The following PYGM variants were observed in gnomAD, a reference collection of about 807,000 sequenced individuals.
The protein encoded by PYGM is glycogen phosphorylase, muscle associated.
Under a neutral mutation model 99.3 loss-of-function variants are expected in PYGM, and 81 were observed. The ratio of observed to expected loss-of-function variants is 0.82; its 90% CI spans 0.68 to 0.98. The LOEUF is 0.98. Ranked by LOEUF, PYGM falls within the 50% of genes least tolerant of loss-of-function variation. PYGM has a pLI of 0.00. For missense variants in PYGM, 1,030 were observed against 1,158.1 expected, an observed-to-expected ratio of 0.89 and a Z score of 1.61; for synonymous variants, 436 against 451.5, an observed-to-expected ratio of 0.97 and a Z score of 0.44.
At chr11:64,753,831 G>A (rs1172819124) in intron 10 of PYGM, 48 bp downstream of exon 10, 1 of 1,548,852 alleles carries the variant, frequency 6.5e-7, no homozygotes, top group Admixed American at 2.0e-5. Flanking sequence ...GGCCCAGACT[G>A]GGTGTCCCCC....
At chr11:64,749,639 C>T (rs983361940) in intron 17 of PYGM, among the ~76,000 whole-genome samples, 1 of 149,480 alleles carries the variant, frequency 6.7e-6, no homozygotes, top group Non-Finnish European at 1.5e-5. Context: ...GAGACTCCGT[C>T]TCAAAAAAAA....
At chr11:64,752,294 C>T in intron 13 of PYGM, 109 bp downstream of exon 13, 1 of 1,425,066 alleles carries the variant, frequency 7.0e-7, no homozygotes, top group Non-Finnish European at 9.8e-7. Flanking sequence ...CCACCAACGG[C>T]CTGGGCTGGC....
In PYGM at chr11:64,750,484, A is replaced by G. The variant is rs140349323; in HGVS notation, c.2069T>C (p.Ile690Thr). ...MKFMLNGALT[I>T]GTMDGANVEM... ...CACATTGGCCCCGTCCATGGTGCCAATGGTCAGAGCCCCGTTGAGCATGAA... is the reference window on the plus strand; with the variant it reads ...CACATTGGCCCCGTCCATGGTGCCAGTGGTCAGAGCCCCGTTGAGCATGAA... The change falls in exon 17 of 20, where the codon ATT (isoleucine) becomes ACT (threonine). Residue 690 changes from isoleucine (I) to threonine (T), a missense_variant. Transcript: ENST00000164139. 7 of 1,614,060 alleles carry G rather than the reference A, an allele frequency of 4.3e-6. No individual in the cohort carries two copies. Among genetic ancestry groups the G allele is most frequent in the African/African-American group, 1.3e-5 (1 of 74,916 alleles).
chr11:64,758,477 C>T lies in PYGM; in HGVS notation c.384G>A (p.Glu128=), dbSNP rs1437348857. 1.2e-6 allele frequency: 2 copies of T among 1,614,110 alleles called. No homozygotes were observed. The highest frequency in any genetic ancestry group is 4.5e-5 in the East Asian group (2 of 44,872). The change falls in exon 3 of 20, where the codon GAG becomes GAA. Residue 128 remains glutamate (E), a synonymous_variant. Coordinates refer to ENST00000164139, the MANE Select transcript of PYGM (RefSeq NM_005609.4). The stretch of plus-strand genomic sequence containing the variant: ...GGCCCCCGTTGCCCAGCCCCGCATC[C>T]TCCTCAATTTCCTCCAGCTCCTCCA... ...LDMEELEEIE[E]DAGLGNGGLG...
At chr11:64,759,984 C>A, upstream of PYGM, 1 of 1,572,730 alleles carries the variant, frequency 6.4e-7, no homozygotes, top group Admixed American at 1.7e-5. Flanking sequence ...TGGAGCTCCC[C>A]AGCCTCAAGG....
rs2058305521 is a variant in PYGM at position 64,746,480 on chromosome 11, G to T, written c.*179C>A. On this transcript the variant is annotated 3_prime_UTR_variant, in exon 20 of 20. Coordinates refer to ENST00000164139, the MANE Select transcript of PYGM (RefSeq NM_005609.4). The stretch of plus-strand genomic sequence containing the variant: ...GGAGGGGACCGGGAGCCCGAGGACG[G>T]AAGGGGGCCCGTGTCCTTAGTCACG... 1 of 854,440 alleles carries T rather than the reference G, an allele frequency of 1.2e-6. No individual in the cohort carries two copies. The highest frequency in any genetic ancestry group is 1.8e-6 in the Non-Finnish European group (1 of 549,232). 52.9% of individuals were successfully genotyped at this position (854,440 alleles called of 1,614,324 possible).
In PYGM at chr11:64,755,000, G is replaced by A. The variant is rs763841769; in HGVS notation, c.856-164C>T. Among the ~76,000 whole-genome samples the A allele has an allele frequency of 2.5e-4, 38 of 152,076 alleles. No homozygotes were observed. Among genetic ancestry groups the A allele is most frequent in the Non-Finnish European group, 4.4e-4 (30 of 68,012 alleles). ...CTTTCCTCCACCAAGAACTAGTGGC[G>A]AGAGACAGTGTCAGGAAGAGGGGTA... On this transcript the variant is annotated intron_variant, in intron 7 of 19. Coordinates refer to ENST00000164139, the MANE Select transcript of PYGM (RefSeq NM_005609.4). This position sits in a 1 kb window ranked among gnomAD's most constrained non-coding sequence, Gnocchi z 5.5.
intron 12 of PYGM, among the ~76,000 whole-genome samples, chr11:64,752,722 C>T: frequency 6.6e-6 from 1 of 152,218 alleles, no homozygotes; most frequent in South Asian, 2.1e-4. Flanking sequence ...CCCCACCTGA[C>T]CCCAGCAGGC....
chr11:64,757,628 G>C (rs1592414724), intron 5 of PYGM, 151 bp downstream of exon 5: 1 of 1,232,160 alleles, frequency 8.1e-7, no homozygotes, highest in East Asian at 2.6e-5. Flanking sequence ...GTCTCTCCTG[G>C]CTTCAGCTGT....
chr11:64,755,280 T>C lies in PYGM; in HGVS notation c.848A>G (p.Asn283Ser), dbSNP rs114468011. The part of the protein sequence containing the change: ...AENISRVLYP[N>S]DNFFEGKELR... ...GCCCAGGGGGTGACGCACATTATCA[T>C]TGGGGTACAGGACACGAGAGATGTT... is the stretch of plus-strand genomic sequence containing the variant. Residue 283 changes from asparagine to serine, a missense_variant, in exon 7 of 20, where the codon AAT (asparagine) becomes AGT (serine). Asn to Ser is a conservative substitution (Grantham distance 46). Transcript: ENST00000164139. This position sits in a 1 kb window ranked among gnomAD's most constrained non-coding sequence, Gnocchi z 4.1. 1.2e-3 allele frequency: 1,892 copies of C among 1,613,688 alleles called. 6 individuals carry two copies. Among genetic ancestry groups the C allele is most frequent in the Non-Finnish European group, 1.3e-3 (1,539 of 1,179,680 alleles).
chr11:64,749,431 A>G (rs1323541009), intron 17 of PYGM, among the ~76,000 whole-genome samples: 1 of 152,090 alleles, frequency 6.6e-6, no homozygotes, highest in Non-Finnish European at 1.5e-5. Flanking sequence ...TCACGAGGTC[A>G]GCAGATCGAG....
Position 64,758,453 on chromosome 11 carries a change from G to A in PYGM, c.408C>T (p.Gly136=). 1 of 1,613,890 alleles carries A rather than the reference G, an allele frequency of 6.2e-7. No homozygotes were observed. Among genetic ancestry groups the A allele is most frequent in the Non-Finnish European group, 8.5e-7 (1 of 1,180,002 alleles). The change falls in exon 3 of 20, where the codon GGC becomes GGT. Residue 136 remains glycine (G), a synonymous_variant. Coordinates refer to ENST00000164139, the MANE Select transcript of PYGM (RefSeq NM_005609.4). ...TCTTCTTACCTGCCAGCCGGCCCAGGCCCCCGTTGCCCAGCCCCGCATCCT... is the reference window on the plus strand; with the variant it reads ...TCTTCTTACCTGCCAGCCGGCCCAGACCCCCGTTGCCCAGCCCCGCATCCT... The part of the protein sequence containing the change: ...IEEDAGLGNG[G]LGRLAACFLD...
At chr11:64,750,933 C>A (rs1181742377) in intron 16 of PYGM, among the ~76,000 whole-genome samples, 1 of 152,112 alleles carries the variant, frequency 6.6e-6, no homozygotes, top group Non-Finnish European at 1.5e-5. Context: ...CTTTTGTTGC[C>A]CAGGCTGAAG....
Position 64,759,972 on chromosome 11 carries a change from A to G in PYGM, c.-74T>C. 6.3e-7 allele frequency: 1 copy of G among 1,588,560 alleles called. No individual in the cohort carries two copies. On this transcript the variant is annotated 5_prime_UTR_variant, in exon 1 of 20. Coordinates refer to ENST00000164139, the MANE Select transcript of PYGM (RefSeq NM_005609.4). ...GCCTCAGCACTGCCTCCAGCCAAGG[A>G]GTGGAGCTCCCCAGCCTCAAGGGGA...
chr11:64,759,938 G>A lies in PYGM; in HGVS notation c.-40C>T, dbSNP rs773597597. On this transcript the variant is annotated 5_prime_UTR_variant, in exon 1 of 20. Coordinates refer to ENST00000164139, the MANE Select transcript of PYGM (RefSeq NM_005609.4). ...GGGCCGGACTGGACTGATGGTAGAG[G>A]GGACGGCGGCCTCAGCACTGCCTCC... The A allele has an allele frequency of 1.2e-6, 2 of 1,609,162 alleles. No homozygotes were observed. Among genetic ancestry groups the A allele is most frequent in the East Asian group, 2.2e-5 (1 of 44,774 alleles).
chr11:64,759,851 C>T lies in PYGM; in HGVS notation c.48G>A (p.Val16=). ...SDQEKRKQIS[V]RGLAGVENVT... ...CGTTCTCCACGCCGGCCAGGCCACG[C>T]ACACTGATTTGCTTTCTTTTCTCTT... Residue 16 remains valine, a synonymous_variant, in exon 1 of 20, where the codon GTG becomes GTA. Transcript: ENST00000164139. The T allele has an allele frequency of 1.2e-6, 2 of 1,614,232 alleles. No individual in the cohort carries two copies. Among genetic ancestry groups the T allele is most frequent in the Non-Finnish European group, 1.7e-6 (2 of 1,180,042 alleles).
chr11:64,756,621 T>A, intron 5 of PYGM, among the ~76,000 whole-genome samples: 1 of 152,060 alleles, frequency 6.6e-6, no homozygotes, highest in East Asian at 1.9e-4. Context: ...CGGCTAATGT[T>A]TTTGTGTTTT....
chr11:64,750,297 G>T, intron 17 of PYGM, 79 bp downstream of exon 17: 1 of 1,521,610 alleles, frequency 6.6e-7, no homozygotes, highest in Non-Finnish European at 9.1e-7. Flanking sequence ...AGTCTTTCCA[G>T]ACGTGCCGCT....
intron 17 of PYGM, among the ~76,000 whole-genome samples, chr11:64,749,563 A>T (rs1375700544): frequency 6.7e-6 from 1 of 150,230 alleles, no homozygotes; most frequent in Admixed American, 6.6e-5. Flanking sequence ...AATGGTGTGA[A>T]CCCAGGAGGC....
Sources: gnomAD v4.1 joint callset for allele counts (sites outside exome capture counted in the v4.1 genomes callset) on GRCh38, gnomAD v4.1.1 for gene constraint, Gnocchi (gnomAD v3.1) non-coding constraint, MANE v1.5 for transcripts, NCBI Gene and HGNC (gene_info 2026-07-23, HGNC 2026-07-21) for gene names.